CRADD: variants seen among roughly 807,000 people sequenced by gnomAD.
The protein encoded by CRADD is CARD and death domain containing adaptor protein.
CRADD carries 9 observed loss-of-function variants against 15.5 expected under a neutral mutation model. The observed-to-expected ratio is 0.58, with a 90% CI of 0.35 to 1.01. CRADD has a LOEUF of 1.01. Among genes scored for constraint, CRADD ranks in the 50% least tolerant of loss-of-function variants. CRADD has a pLI of 0.02. For missense variants in CRADD, 227 were observed against 250.3 expected (o/e 0.91, Z 0.63); for synonymous variants, 118 against 107.6 (o/e 1.10, Z -0.60).
intron 2 of CRADD, among the ~76,000 whole-genome samples, chr12:93,793,750 A>G (rs1957378359): frequency 6.6e-6 from 1 of 152,194 alleles, no homozygotes. Flanking sequence ...TGTCAAAGCA[A>G]GTGACATGGG....
At chr12:93,720,623 T>TA (rs1164631936) in intron 2 of CRADD, among the ~76,000 whole-genome samples, 1 of 152,250 alleles carries the variant, frequency 6.6e-6, no homozygotes, top group African/African-American at 2.4e-5. Context: ...TAATGATTGT[T>TA]ACGTATTCTT....
At chr12:93,836,593 G>C (rs144289392) in intron 2 of CRADD, among the ~76,000 whole-genome samples, 1 of 152,100 alleles carries the variant, frequency 6.6e-6, no homozygotes, top group Non-Finnish European at 1.5e-5. Flanking sequence ...TTAATTTTCT[G>C]TTCACCCTCA....
At chr12:93,772,600 C>T (rs1278267113) in intron 2 of CRADD, among the ~76,000 whole-genome samples, 1 of 152,190 alleles carries the variant, frequency 6.6e-6, no homozygotes, top group African/African-American at 2.4e-5. Context: ...TTAAATATCA[C>T]TCTTAATGAT....
chr12:93,696,569 C>T (rs1416557773), intron 2 of CRADD, among the ~76,000 whole-genome samples: 1 of 151,576 alleles, frequency 6.6e-6, no homozygotes, highest in African/African-American at 2.4e-5. Flanking sequence ...TGGTAGATAC[C>T]AGAGGCTGGA....
intron 2 of CRADD, among the ~76,000 whole-genome samples, chr12:93,763,904 T>C (rs979053815): frequency 5.3e-5 from 8 of 152,234 alleles, no homozygotes; most frequent in Admixed American, 6.5e-5. Flanking sequence ...TGCTGCCGCC[T>C]ACCTGTGGCC....
At chr12:93,812,672 C>T (rs1272757416) in intron 2 of CRADD, among the ~76,000 whole-genome samples, 1 of 152,142 alleles carries the variant, frequency 6.6e-6, no homozygotes, top group Admixed American at 6.5e-5. Context: ...CCCTTTATAA[C>T]CAGGGATTGT....
At chr12:93,847,673 T>G (rs1958146875) in intron 2 of CRADD, among the ~76,000 whole-genome samples, 1 of 151,778 alleles carries the variant, frequency 6.6e-6, no homozygotes, top group African/African-American at 2.4e-5. Context: ...GACTAAACAA[T>G]GGGGCAAGGG....
chr12:93,818,091 C>T (rs1235607395), intron 2 of CRADD, among the ~76,000 whole-genome samples: 2 of 152,034 alleles, frequency 1.3e-5, no homozygotes, highest in Admixed American at 6.6e-5. Flanking sequence ...ATTCATGAAC[C>T]GATGTATAAA....
At chr12:93,779,280 T>C (rs945230964) in intron 2 of CRADD, among the ~76,000 whole-genome samples, 2 of 152,220 alleles carry the variant, frequency 1.3e-5, no homozygotes, top group Non-Finnish European at 2.9e-5. Flanking sequence ...TGAACTTAGT[T>C]CTAACTATCT....
chr12:93,830,441 T>C (rs1957881026), intron 2 of CRADD, among the ~76,000 whole-genome samples: 1 of 152,226 alleles, frequency 6.6e-6, no homozygotes, highest in South Asian at 2.1e-4. Flanking sequence ...AAACTTTTTT[T>C]CAGTCTCTCT....
intron 2 of CRADD, among the ~76,000 whole-genome samples, chr12:93,874,530 T>G (rs1319347048): frequency 9.2e-5 from 14 of 152,060 alleles, no homozygotes; most frequent in African/African-American, 3.4e-4. Flanking sequence ...GTTAGATTGC[T>G]TATTTGAAGT....
chr12:93,795,091 TA>T (rs1190362923), intron 2 of CRADD, among the ~76,000 whole-genome samples: 1 of 152,232 alleles, frequency 6.6e-6, no homozygotes, highest in Non-Finnish European at 1.5e-5. Context: ...GTTTATGTAT[TA>T]TTTTTTTGCC....
intron 2 of CRADD, among the ~76,000 whole-genome samples, chr12:93,863,596 T>TTTTGTGTG (rs1444257644): frequency 9.6e-5 from 12 of 124,774 alleles, no homozygotes; most frequent in South Asian, 5.9e-4. Context: ...GTGGAGGCAT[T>TTTTGTGTG]TGTGTGTGTG....
chr12:93,845,760 A>G (rs1456827278), intron 2 of CRADD, among the ~76,000 whole-genome samples: 1 of 152,124 alleles, frequency 6.6e-6, no homozygotes, highest in African/African-American at 2.4e-5. Flanking sequence ...CAACAATGGG[A>G]TTCTTTTAAT....
At chr12:93,785,949 T>C (rs1245758154) in intron 2 of CRADD, among the ~76,000 whole-genome samples, 2 of 152,214 alleles carry the variant, frequency 1.3e-5, no homozygotes, top group African/African-American at 4.8e-5. Context: ...CTGTGGGATA[T>C]ACAGGTAAGA....
rs971006690 is a variant in CRADD at position 93,777,792 on chromosome 12, A to C, written c.299-72178A>C. Reference sequence around the variant, plus strand: ...GGAAATCAACACACTTTTTCACCAAAGCCCGTTTTTCCTGGTGCTTGCGGC... The same window carrying C: ...GGAAATCAACACACTTTTTCACCAACGCCCGTTTTTCCTGGTGCTTGCGGC... On this transcript the variant is annotated intron_variant, in intron 2 of 2. Coordinates refer to ENST00000332896, the MANE Select transcript of CRADD (RefSeq NM_003805.5). Among the ~76,000 whole-genome samples the C allele has an allele frequency of 8.9e-4, 136 of 152,208 alleles. 3 individuals carry two copies. The highest frequency in any genetic ancestry group is 8.9e-3 in the Admixed American group (136 of 15,286).
At position 93,867,403 on chromosome 12, in the gene CRADD, A is replaced by ATATATATATTTTTTTTT. The variant is rs985334638; in HGVS notation, c.299-26646_299-26645insATATATATTTTTTTTTT. The stretch of plus-strand genomic sequence containing the variant: ...TTGTATTTGACATATATATATATAT[A>ATATATATATTTTTTTTT]TTTTTTAAACTTGGAAGTCCAAGAT... On this transcript the variant is annotated intron_variant, in intron 2 of 2. Coordinates refer to the CRADD transcript ENST00000548483. Among the ~76,000 whole-genome samples the ATATATATATTTTTTTTT allele has an allele frequency of 2.2e-4, 32 of 143,378 alleles. 1 individual carries two copies. The highest frequency in any genetic ancestry group is 6.3e-4 in the Admixed American group (9 of 14,232). 94.1% of individuals were successfully genotyped at this position (143,378 alleles called of 152,430 possible).
At chr12:93,749,972 A>G (rs538751951) in intron 2 of CRADD, among the ~76,000 whole-genome samples, 164 of 152,324 alleles carry the variant, frequency 1.1e-3, no homozygotes, top group Non-Finnish European at 1.9e-3. Flanking sequence ...TGTTACATGA[A>G]TGAATAAACC....
rs75202857 is a variant in CRADD, at chr12:93,707,470, G to A, written c.298+28398G>A. ...ATGTCTGGTGCCTTGACTGGGGTGC[G>A]TGGCTCTGGGCAGGGGGCTTAGCTG... is the stretch of plus-strand genomic sequence containing the variant. On this transcript the variant is annotated intron_variant, in intron 2 of 2. Coordinates refer to ENST00000332896, the MANE Select transcript of CRADD (RefSeq NM_003805.5). Among the ~76,000 whole-genome samples the A allele has an allele frequency of 9.3e-3, 1,416 of 152,234 alleles. 35 individuals carry two copies. Among genetic ancestry groups the A allele is most frequent in the African/African-American group, 0.032 (1,348 of 41,504 alleles).
Sources: allele counts gnomAD v4.1 joint callset (sites outside exome capture counted in the v4.1 genomes callset), GRCh38; gene constraint gnomAD v4.1.1; transcripts MANE v1.5; gene names NCBI Gene and HGNC (gene_info 2026-07-23, HGNC 2026-07-21).